Variants in PHF14 observed in about 807,000 individuals in gnomAD.
PHF14 encodes the protein PHD finger protein 14.
Under a neutral mutation model 117.9 loss-of-function variants are expected in PHF14, and 55 were observed. That is an observed-to-expected ratio of 0.47 (90% CI 0.38 to 0.58). The LOEUF (loss-of-function observed/expected upper bound fraction) is 0.58, where lower values mean the gene tolerates loss of function less well. PHF14 is among the 20% of genes least tolerant of loss of function. The pLI is 0.00. For synonymous variants in PHF14, 409 were observed against 368.6 expected, an observed-to-expected ratio of 1.11 and a Z score of -1.26; for missense variants, 978 against 1,122.2, an observed-to-expected ratio of 0.87 and a Z score of 1.84.
At chr7:11,008,054 G>A (rs1225537711) in intron 4 of PHF14, among the ~76,000 whole-genome samples, 1 of 151,390 alleles carries the variant, frequency 6.6e-6, no homozygotes, top group African/African-American at 2.5e-5. Flanking sequence ...TATCCTGATT[G>A]TAGTGTGTCT....
intron 17 of PHF14, among the ~76,000 whole-genome samples, chr7:11,156,057 A>G (rs937879499): frequency 1.3e-5 from 2 of 152,212 alleles, no homozygotes; most frequent in Non-Finnish European, 1.5e-5. Flanking sequence ...GATACTTGCC[A>G]AGTGGCCTGT....
chr7:11,077,482 TC>T (rs1345050670), intron 16 of PHF14, among the ~76,000 whole-genome samples: 1 of 150,954 alleles, frequency 6.6e-6, no homozygotes, highest in African/African-American at 2.4e-5. Context: ...GCGCCTGTAG[TC>T]CCAGCTACTC....
At chr7:10,974,433 T>A in intron 1 of PHF14, 109 bp downstream of exon 1, 1 of 923,918 alleles carries the variant, frequency 1.1e-6, no homozygotes, top group Non-Finnish European at 1.7e-6. Context: ...AAAGCAGGAT[T>A]GGTGGACCCT....
intron 16 of PHF14, among the ~76,000 whole-genome samples, chr7:11,095,755 A>C (rs983255378): frequency 2.0e-5 from 3 of 152,170 alleles, no homozygotes; most frequent in Admixed American, 6.5e-5. Context: ...TCACCTACAA[A>C]ATGATAATCC....
chr7:11,041,468 A>T (rs1302236364), intron 12 of PHF14, among the ~76,000 whole-genome samples: 1 of 151,524 alleles, frequency 6.6e-6, no homozygotes, highest in African/African-American at 2.4e-5. Context: ...ATATTTATCT[A>T]TGTATATGCA....
chr7:11,017,052 C>G (rs1336224219), intron 5 of PHF14, among the ~76,000 whole-genome samples: 1 of 152,116 alleles, frequency 6.6e-6, no homozygotes, highest in Non-Finnish European at 1.5e-5. Context: ...ATCTCTAGTT[C>G]CACCCAAGTT....
At chr7:11,006,900 C>A (rs967951892) in intron 4 of PHF14, 6 of 511,694 alleles carry the variant, frequency 1.2e-5, no homozygotes, top group African/African-American at 9.8e-5. Context: ...CTTGTCCTGG[C>A]GCGGTGGCTC....
intron 17 of PHF14, among the ~76,000 whole-genome samples, chr7:11,161,732 T>TATTTTATTTAAATAAAAATATTTAG (rs1789037536): frequency 1.5e-5 from 2 of 137,414 alleles, no homozygotes; most frequent in African/African-American, 5.3e-5. Flanking sequence ...AAAAATATTA[T>TATTTTATTTAAATAAAAATATTTAG]ATTTTATTTA....
chr7:10,981,943 A>G (rs1782056856), intron 2 of PHF14, among the ~76,000 whole-genome samples: 1 of 152,164 alleles, frequency 6.6e-6, no homozygotes, highest in Non-Finnish European at 1.5e-5. Flanking sequence ...TTGACTCAAT[A>G]CTTACAAGTC....
At chr7:11,151,204 A>G (rs1468309811) in intron 17 of PHF14, among the ~76,000 whole-genome samples, 3 of 152,226 alleles carry the variant, frequency 2.0e-5, no homozygotes, top group African/African-American at 4.8e-5. Context: ...TGGTTGCCAC[A>G]TAATGTCACT....
At chr7:11,102,684 A>G in intron 16 of PHF14, 1 of 1,438,964 alleles carries the variant, frequency 6.9e-7, no homozygotes, top group Non-Finnish European at 9.1e-7. Context: ...TGGATAGAAT[A>G]TAATTGATTG....
intron 3 of PHF14, among the ~76,000 whole-genome samples, chr7:10,985,937 GC>G (rs1323217519): frequency 6.6e-6 from 1 of 151,920 alleles, no homozygotes; most frequent in Non-Finnish European, 1.5e-5. Context: ...ACAGGCATGA[GC>G]CACCACACCT....
chr7:11,104,543 C>A, intron 16 of PHF14: 1 of 980,554 alleles, frequency 1.0e-6, no homozygotes, highest in Non-Finnish European at 1.2e-6. Context: ...AATGGCACAT[C>A]AGGTAAATGA....
chr7:11,164,600 A>AT (rs1260159707), intron 17 of PHF14, among the ~76,000 whole-genome samples: 1 of 152,192 alleles, frequency 6.6e-6, no homozygotes, highest in African/African-American at 2.4e-5. Context: ...TTAGGTAGCC[A>AT]TTTTTATTTT....
chr7:11,151,057 A>G (rs1018916230), intron 17 of PHF14, among the ~76,000 whole-genome samples: 3 of 152,206 alleles, frequency 2.0e-5, no homozygotes, highest in Non-Finnish European at 2.9e-5. Context: ...AAGAAAAGCA[A>G]AATAGAATCT....
chr7:10,987,510 A>AT (rs1782265858), intron 3 of PHF14, among the ~76,000 whole-genome samples: 1 of 152,104 alleles, frequency 6.6e-6, no homozygotes, highest in Admixed American at 6.6e-5. Context: ...TAAGTTTTAA[A>AT]TCCTGATGGA....
At chr7:11,102,459 T>C in intron 16 of PHF14, 1 of 1,607,518 alleles carries the variant, frequency 6.2e-7, no homozygotes, top group Non-Finnish European at 8.5e-7. Flanking sequence ...AATGTTAATG[T>C]TCTTTTCTTA....
At chr7:11,167,755 G>T (rs1789242033) in intron 17 of PHF14, among the ~76,000 whole-genome samples, 1 of 152,142 alleles carries the variant, frequency 6.6e-6, no homozygotes, top group African/African-American at 2.4e-5. Context: ...TAGGCTGGGC[G>T]CAGTGGCTCA....
At chr7:11,075,564 GTTTT>G (rs3073111) in intron 16 of PHF14, among the ~76,000 whole-genome samples, 3,948 of 109,976 alleles carry the variant, frequency 0.036, 81 homozygotes, top group African/African-American at 0.096. Context: ...AAGGAAAGAG[GTTTT>G]TTTTTTTTTT....
Sources: allele counts gnomAD v4.1 joint callset (sites outside exome capture counted in the v4.1 genomes callset), GRCh38; gene constraint gnomAD v4.1.1; transcripts MANE v1.5; gene names NCBI Gene and HGNC (gene_info 2026-07-23, HGNC 2026-07-21).